The following ACAD9 variants were observed in gnomAD, a reference collection of about 807,000 sequenced individuals.
ACAD9 encodes complex I assembly factor ACAD9, mitochondrial.
Under a neutral mutation model 70.2 loss-of-function variants are expected in ACAD9, and 53 were observed. The observed-to-expected ratio is 0.75, with a 90% CI of 0.61 to 0.95. The LOEUF (loss-of-function observed/expected upper bound fraction) is 0.95. ACAD9 is among the 40% of genes least tolerant of loss of function. The probability of loss-of-function intolerance (pLI) is 0.00; values close to 1 mark genes in which losing one functional copy is unlikely to be tolerated. For missense variants in ACAD9, 777 were observed against 802.8 expected (o/e 0.97, Z 0.39); for synonymous variants, 313 against 312.1 (o/e 1.00, Z -0.03).
intron 6 of ACAD9, 68 bp downstream of exon 6, chr3:128,897,778 T>A: frequency 7.3e-7 from 1 of 1,375,594 alleles, no homozygotes; most frequent in African/African-American, 1.4e-5. Context: ...GAGTGAGCAC[T>A]CTCCACACAC....
In ACAD9 at chr3:128,908,171, A is replaced by G. The variant is rs763713808; in HGVS notation, c.1279-14A>G. The G allele has an allele frequency of 6.2e-7, 1 of 1,613,814 alleles. No individual in the cohort carries two copies. Among genetic ancestry groups the G allele is most frequent in the South Asian group, 1.1e-5 (1 of 91,082 alleles). ...CCGGGGGGCAGCCTTTGACCTCTACACTACTGACCACAGGGAACCAATGAG... is the reference window on the plus strand; with the variant it reads ...CCGGGGGGCAGCCTTTGACCTCTACGCTACTGACCACAGGGAACCAATGAG... On this transcript the variant is annotated splice_polypyrimidine_tract_variant and intron_variant, in intron 12 of 17. Coordinates refer to ENST00000308982, the MANE Select transcript of ACAD9 (RefSeq NM_014049.5).
intron 2 of ACAD9, among the ~76,000 whole-genome samples, chr3:128,888,504 G>A (rs1388064644): frequency 2.6e-5 from 4 of 152,104 alleles, no homozygotes; most frequent in Non-Finnish European, 5.9e-5. Context: ...ACTGGAACCC[G>A]GGAGGTGGAG....
chr3:128,888,256 G>C (rs1329676385), intron 2 of ACAD9, among the ~76,000 whole-genome samples: 1 of 152,172 alleles, frequency 6.6e-6, no homozygotes, highest in Non-Finnish European at 1.5e-5. Context: ...AGTCTTCAGA[G>C]AATTAGAATT....
At chr3:128,881,560 C>T (rs988300251) in intron 1 of ACAD9, among the ~76,000 whole-genome samples, 1 of 152,216 alleles carries the variant, frequency 6.6e-6, no homozygotes, top group Non-Finnish European at 1.5e-5. Flanking sequence ...TAACTGTTCT[C>T]TCTACTGGAT....
At chr3:128,899,201 CAGCTGG>C in intron 6 of ACAD9, 80 bp from the exon 7 acceptor site, 3 of 1,449,184 alleles carry the variant, frequency 2.1e-6, no homozygotes, top group Non-Finnish European at 2.9e-6. Context: ...GTCTGACTGG[CAGCTGG>C]AGCTTGATGG....
rs1207668068 is a variant in ACAD9, at chr3:128,910,163, A to T, written c.1692+14A>T. 6.2e-7 allele frequency: 1 copy of T among 1,613,836 alleles called. No individual in the cohort carries two copies. On this transcript the variant is annotated intron_variant, in intron 16 of 17. Coordinates refer to ENST00000308982, the MANE Select transcript of ACAD9 (RefSeq NM_014049.5). ...CACGACCACGAGGTGAGCCCAGCCCAGCCTCACACAGGGCCTGGCTGCTGC... is the reference window on the plus strand; with the variant it reads ...CACGACCACGAGGTGAGCCCAGCCCTGCCTCACACAGGGCCTGGCTGCTGC...
chr3:128,881,340 A>T (rs1440198967), intron 1 of ACAD9, among the ~76,000 whole-genome samples: 2 of 152,100 alleles, frequency 1.3e-5, no homozygotes, highest in Non-Finnish European at 2.9e-5. Context: ...CTTTACTCTC[A>T]GCTGTCAGCT....
intron 4 of ACAD9, 24 bp from the exon 5 acceptor site, chr3:128,896,412 T>A: frequency 1.2e-6 from 2 of 1,606,840 alleles, no homozygotes; most frequent in Non-Finnish European, 1.7e-6. Flanking sequence ...ACAGCTGACA[T>A]TAGTCTGTGT....
intron 13 of ACAD9, chr3:128,908,555 G>T: frequency 1.7e-6 from 1 of 573,326 alleles, no homozygotes; most frequent in Non-Finnish European, 3.1e-6. Flanking sequence ...TGAAGAATGA[G>T]AGGTGTCCCT....
rs768916389 is a variant in ACAD9, at chr3:128,902,581, G to A, written c.911G>A (p.Arg304Gln). ...GCCATGAACATCCTCAACAGCGGCCGGTTCAGCATGGGCAGCGTCGTGGCT... is the reference window on the plus strand; with the variant it reads ...GCCATGAACATCCTCAACAGCGGCCAGTTCAGCATGGGCAGCGTCGTGGCT... ...KVAMNILNSG[R>Q]FSMGSVVAGL... Residue 304 changes from arginine to glutamine, a missense_variant, in exon 9 of 18, where the codon CGG becomes CAG. Arg to Gln is a conservative substitution (Grantham distance 43). Transcript: ENST00000308982. The surrounding 1 kb of genome is among the most constrained non-coding windows in gnomAD (Gnocchi z 4.0). The A allele has an allele frequency of 4.1e-5, 66 of 1,614,076 alleles. No individual in the cohort carries two copies. Among genetic ancestry groups the A allele is most frequent in the Admixed American group, 1.8e-4 (11 of 60,002 alleles).
intron 5 of ACAD9, 68 bp from the exon 6 acceptor site, chr3:128,897,564 C>T: frequency 6.9e-7 from 1 of 1,457,364 alleles, no homozygotes; most frequent in African/African-American, 1.4e-5. Context: ...CCTCCATTTT[C>T]AGGCCCTCAA....
intron 2 of ACAD9, among the ~76,000 whole-genome samples, chr3:128,889,133 C>T (rs1481867959): frequency 6.6e-6 from 1 of 150,950 alleles, no homozygotes; most frequent in Non-Finnish European, 1.5e-5. Flanking sequence ...CAGTAATATG[C>T]TGTACAGCTT....
At position 128,912,673 on chromosome 3, in the gene ACAD9, C is replaced by A; in HGVS notation, c.*66C>A. The A allele has an allele frequency of 7.3e-7, 1 of 1,364,830 alleles. No individual in the cohort carries two copies. 84.5% of individuals were successfully genotyped at this position (1,364,830 alleles called of 1,614,324 possible). On this transcript the variant is annotated 3_prime_UTR_variant, in exon 18 of 18. Transcript: ENST00000308982. ...ATGGCCCGTTGCTGGATGACTGTTACTCTTTTTTCAGAAGGTGTTGGGATT... is the reference window on the plus strand; with the variant it reads ...ATGGCCCGTTGCTGGATGACTGTTAATCTTTTTTCAGAAGGTGTTGGGATT...
At chr3:128,884,373 A>G (rs1935184006) in intron 1 of ACAD9, among the ~76,000 whole-genome samples, 1 of 152,214 alleles carries the variant, frequency 6.6e-6, no homozygotes, top group South Asian at 2.1e-4. Context: ...TCCTTGTTTC[A>G]TGGGACTATT....
At chr3:128,904,228 T>G (rs1559828111) in intron 10 of ACAD9, 96 bp downstream of exon 10, 1 of 1,583,126 alleles carries the variant, frequency 6.3e-7, no homozygotes, top group Non-Finnish European at 8.7e-7. Flanking sequence ...CTGTGGTGAT[T>G]TGGGAAGAAG....
intron 13 of ACAD9, chr3:128,908,580 C>T: frequency 1.8e-6 from 1 of 556,828 alleles, no homozygotes; most frequent in Non-Finnish European, 3.2e-6. Context: ...AGGTGCCAGG[C>T]CTCACAGCCA....
At chr3:128,893,999 G>A (rs567825564) in intron 3 of ACAD9, among the ~76,000 whole-genome samples, 5 of 152,182 alleles carry the variant, frequency 3.3e-5, no homozygotes, top group Non-Finnish European at 7.3e-5. Flanking sequence ...CCCAAGTGGC[G>A]GTTCTGCCTT....
In ACAD9 at chr3:128,904,636, T is replaced by TG. The variant is rs751735658; in HGVS notation, c.1149+132dup. On this transcript the variant is annotated intron_variant, in intron 11 of 17. Transcript: ENST00000308982. ...ATTGATCCAGTATTTATGATGCACT[T>TG]GCCCTGTGTAGCACTCCAGGGATAG... 5.2e-5 allele frequency: 76 copies of TG among 1,453,618 alleles called. 1 individual carries two copies. The East Asian group carries it at 1.8e-3, about 35-fold the overall frequency. 90.0% of individuals were successfully genotyped at this position (1,453,618 alleles called of 1,614,324 possible).
intron 17 of ACAD9, among the ~76,000 whole-genome samples, chr3:128,912,259 G>A (rs964124408): frequency 6.6e-6 from 1 of 152,160 alleles, no homozygotes. Flanking sequence ...AGCAAGTGCC[G>A]GCTCCACCCC....
Sources: gnomAD v4.1 joint callset for allele counts (sites outside exome capture counted in the v4.1 genomes callset) on GRCh38, gnomAD v4.1.1 for gene constraint, Gnocchi (gnomAD v3.1) non-coding constraint, MANE v1.5 for transcripts, NCBI Gene and HGNC (gene_info 2026-07-23, HGNC 2026-07-21) for gene names.